CDYL: variants seen among roughly 807,000 people sequenced by gnomAD.
CDYL encodes the protein chromodomain Y-like protein.
In CDYL, 8 loss-of-function variants were observed where a neutral mutation model predicts 47.3. That is an observed-to-expected ratio of 0.17 (90% CI 0.10 to 0.31). The LOEUF is 0.31. CDYL is among the 10% of genes least tolerant of loss of function. The probability of loss-of-function intolerance (pLI) is 1.00; values close to 1 mark genes in which losing one functional copy is unlikely to be tolerated. For missense variants in CDYL, 471 were observed against 701.4 expected (o/e 0.67, Z 3.71); for synonymous variants, 266 against 265.0 (o/e 1.00, Z -0.04).
At chr6:4,750,958 T>G (rs1355736456) in intron 3 of CDYL, among the ~76,000 whole-genome samples, 1 of 151,434 alleles carries the variant, frequency 6.6e-6, no homozygotes, top group Non-Finnish European at 1.5e-5. Context: ...GTTCACGCCA[T>G]TCTCCTGCCT....
chr6:4,849,677 G>A (rs1266220947), intron 1 of CDYL, among the ~76,000 whole-genome samples: 1 of 127,750 alleles, frequency 7.8e-6, no homozygotes, highest in Non-Finnish European at 1.6e-5. Flanking sequence ...AACTGGTCAT[G>A]CCAGGAAAAA....
At chr6:4,750,696 ATGAC>A (rs1757973750) in intron 3 of CDYL, among the ~76,000 whole-genome samples, 1 of 152,184 alleles carries the variant, frequency 6.6e-6, no homozygotes, top group Non-Finnish European at 1.5e-5. Flanking sequence ...GTGTGTATGA[ATGAC>A]AAAAGCTAGA....
At chr6:4,742,715 C>T (rs1757819006) in intron 3 of CDYL, among the ~76,000 whole-genome samples, 1 of 152,250 alleles carries the variant, frequency 6.6e-6, no homozygotes, top group African/African-American at 2.4e-5. Context: ...GAGCTGCTGC[C>T]TTGAAGGATC....
At chr6:4,934,786 AC>A (rs150232847) in intron 2 of CDYL, among the ~76,000 whole-genome samples, 8,298 of 152,182 alleles carry the variant, frequency 0.055, 275 homozygotes, top group South Asian at 0.071. Context: ...ACATAGCAAG[AC>A]CCCATCTCAA....
chr6:4,823,738 G>A (rs1245441365), intron 1 of CDYL, among the ~76,000 whole-genome samples: 2 of 151,998 alleles, frequency 1.3e-5, no homozygotes, highest in Admixed American at 6.5e-5. Context: ...TAAAATATAC[G>A]TAACCTAACA....
In CDYL at chr6:4,830,276, C is replaced by G. The variant is rs569690583; in HGVS notation, c.24+53469C>G. ...TATATAATAAACAGTGTTAATAAAT[C>G]TAAATATTCATCCTTATGCCATCTA... On this transcript the variant is annotated intron_variant, in intron 1 of 6. Transcript: ENST00000397588. Among the ~76,000 whole-genome samples the G allele has an allele frequency of 4.6e-5, 7 of 152,330 alleles. No individual in the cohort carries two copies. In the East Asian group the frequency reaches 1.4e-3, roughly 29 times the overall value.
intron 1 of CDYL, among the ~76,000 whole-genome samples, chr6:4,861,894 C>A (rs922220672): frequency 1.3e-5 from 2 of 152,306 alleles, no homozygotes; most frequent in African/African-American, 2.4e-5. Flanking sequence ...GGTTAAGTTA[C>A]AAAGACCCAT....
intron 1 of CDYL, among the ~76,000 whole-genome samples, chr6:4,824,802 T>C (rs995871704): frequency 7.2e-5 from 11 of 152,192 alleles, no homozygotes; most frequent in Non-Finnish European, 7.3e-5. Context: ...TTGTTTTGAC[T>C]TTCTGGGACC....
chr6:4,824,851 G>A (rs775585549), intron 1 of CDYL, among the ~76,000 whole-genome samples: 7 of 151,444 alleles, frequency 4.6e-5, no homozygotes, highest in Middle Eastern at 3.4e-3. Flanking sequence ...AAGCTTTTCC[G>A]TTTCTGCAAA....
rs183197978 is a variant in CDYL at position 4,735,358 on chromosome 6, T to C, written c.186+514T>C. On this transcript the variant is annotated intron_variant, in intron 3 of 8. Coordinates refer to the CDYL transcript ENST00000328908. ...AAAATATACAGGACTACAAAGGTTA[T>C]CAATTACATTGAAATGCAGTTATCA... Among the ~76,000 whole-genome samples, 6 of 152,240 alleles carry C rather than the reference T, an allele frequency of 3.9e-5. No homozygotes were observed. The East Asian group carries it at 1.2e-3, about 29-fold the overall frequency.
In CDYL at chr6:4,811,933, C is replaced by A. The variant is rs137933572; in HGVS notation, c.24+35126C>A. Among the ~76,000 whole-genome samples the A allele has an allele frequency of 6.3e-3, 953 of 152,254 alleles. 29 individuals carry two copies. In the East Asian group the frequency reaches 0.069, roughly 11 times the overall value. On this transcript the variant is annotated intron_variant, in intron 1 of 6. Transcript: ENST00000397588. Reference sequence around the variant, plus strand: ...TTCATCAGCTCTTAGTGTTGGTCTCCCCTGGAACCTTCCACATCATCTCCT... The same window carrying A: ...TTCATCAGCTCTTAGTGTTGGTCTCACCTGGAACCTTCCACATCATCTCCT...
intron 1 of CDYL, among the ~76,000 whole-genome samples, chr6:4,806,265 A>G (rs929067106): frequency 3.3e-5 from 5 of 152,190 alleles, no homozygotes; most frequent in Non-Finnish European, 5.9e-5. Context: ...CCTGGCATCA[A>G]GCGTCACCCA....
intron 2 of CDYL, among the ~76,000 whole-genome samples, chr6:4,924,615 T>G (rs1272821293): frequency 6.6e-6 from 1 of 152,240 alleles, no homozygotes; most frequent in African/African-American, 2.4e-5. Context: ...TATGACATCT[T>G]GAAGCATATC....
chr6:4,930,668 G>T (rs1193905780), intron 2 of CDYL, among the ~76,000 whole-genome samples: 1 of 152,236 alleles, frequency 6.6e-6, no homozygotes, highest in Non-Finnish European at 1.5e-5. Context: ...ACAAGTCATT[G>T]TTAGAGACTT....
intron 3 of CDYL, among the ~76,000 whole-genome samples, chr6:4,936,834 A>T (rs1167005020): frequency 6.6e-6 from 1 of 151,354 alleles, no homozygotes; most frequent in Non-Finnish European, 1.5e-5. Context: ...AAGAGCCGCA[A>T]TTTGCCTTAT....
At chr6:4,778,810 T>A (rs774115146) in intron 1 of CDYL, among the ~76,000 whole-genome samples, 3 of 152,188 alleles carry the variant, frequency 2.0e-5, no homozygotes, top group Non-Finnish European at 2.9e-5. Context: ...TGTGACTATG[T>A]TACCATTGAA....
rs367627946 is a variant in CDYL, at chr6:4,953,912, C to G, written c.1491C>G (p.Ser497=). The G allele has an allele frequency of 6.2e-7, 1 of 1,612,774 alleles. No individual in the cohort carries two copies. The highest frequency in any genetic ancestry group is 1.3e-5 in the African/African-American group (1 of 74,884). Residue 497 remains serine (S), a synonymous_variant, in exon 7 of 7, where the codon TCC becomes TCG. Transcript: ENST00000397588. The stretch of plus-strand genomic sequence containing the variant: ...TTCCGGTGCAGGTGCTTGAGGAATC[C>G]AAAGCCCTCGTGCGCTGCAACATGA... ...ASCNPVVLEE[S]KALVRCNMKM...
chr6:4,955,408 G>A lies in CDYL; in HGVS notation c.*1352G>A, dbSNP rs574645346. The A allele has an allele frequency of 1.7e-4, 26 of 152,776 alleles. No homozygotes were observed. Among genetic ancestry groups the A allele is most frequent in the Middle Eastern group, 3.4e-3 (1 of 294 alleles). 9.5% of individuals were successfully genotyped at this position (152,776 alleles called of 1,614,324 possible). On this transcript the variant is annotated 3_prime_UTR_variant, in exon 7 of 7. Coordinates refer to ENST00000397588, the MANE Select transcript of CDYL (RefSeq NM_004824.4). ...CCTTTATCTTGGATTGATTGGTACA[G>A]TATTTTTGCATCTGTGGGACCTACC...
chr6:4,852,548 CTTCCTTCCTTCCAATCT>C (rs1450936692), intron 1 of CDYL, among the ~76,000 whole-genome samples: 3 of 129,346 alleles, frequency 2.3e-5, no homozygotes, highest in African/African-American at 9.8e-5. Flanking sequence ...TCCTTCCTTC[CTTCCTTCCTTCCAATCT>C]TCCTTCCTTC....
Sources: gnomAD v4.1 joint callset for allele counts (sites outside exome capture counted in the v4.1 genomes callset) on GRCh38, gnomAD v4.1.1 for gene constraint, MANE v1.5 for transcripts, NCBI Gene and HGNC (gene_info 2026-07-23, HGNC 2026-07-21) for gene names.